SAMD4A: variants seen among roughly 807,000 people sequenced by gnomAD.
SAMD4A encodes the protein protein Smaug homolog 1.
In SAMD4A, 33 loss-of-function variants were observed where a neutral mutation model predicts 81.3. That is an observed-to-expected ratio of 0.41 (90% confidence interval 0.31 to 0.54). SAMD4A has a LOEUF of 0.54. SAMD4A is among the 20% of genes least tolerant of loss of function. The probability of loss-of-function intolerance (pLI) is 0.37; values close to 1 mark genes in which losing one functional copy is unlikely to be tolerated. For synonymous variants in SAMD4A, 389 were observed against 382.1 expected, an observed-to-expected ratio of 1.02 and a Z score of -0.21; for missense variants, 854 against 951.1, an observed-to-expected ratio of 0.90 and a Z score of 1.34.
At chr14:54,788,276 T>C (rs1186981186) in intron 12 of SAMD4A, among the ~76,000 whole-genome samples, 2 of 152,162 alleles carry the variant, frequency 1.3e-5, no homozygotes, top group African/African-American at 4.8e-5. Context: ...GGGACGTGGG[T>C]TGAGAAGGAG....
At chr14:54,628,508 A>G (rs1397263346) in intron 2 of SAMD4A, among the ~76,000 whole-genome samples, 4 of 152,158 alleles carry the variant, frequency 2.6e-5, no homozygotes, top group South Asian at 4.2e-4. Flanking sequence ...CAGCTATGGA[A>G]ATAGGCCTTC....
intron 3 of SAMD4A, among the ~76,000 whole-genome samples, chr14:54,715,919 A>G (rs1014074473): frequency 6.6e-6 from 1 of 152,170 alleles, no homozygotes; most frequent in African/African-American, 2.4e-5. Context: ...ATGAAACTTC[A>G]GGAGCATGCT....
Position 54,760,395 on chromosome 14 carries a change from C to A in SAMD4A, c.1411C>A (p.Leu471Ile), listed in dbSNP as rs769494833. ...CCCCTCGGCCGGGGCCAGCGGGGGG[C>A]TCCAGCCGCACCAGCTGAGCAGCTG... Reference protein sequence around the residue: ...ATPSAGASGGLQPHQLSSCDG... With the variant: ...ATPSAGASGGIQPHQLSSCDG... Residue 471 changes from leucine to isoleucine, a missense_variant, in exon 7 of 13, where the codon CTC (leucine) becomes ATC (isoleucine). Leu to Ile is a conservative substitution (Grantham distance 5). This residue lies in a region of SAMD4A where 428 missense variants were observed against 471.2 expected (regional missense o/e 0.91). Transcript: ENST00000554335. 1.0e-5 allele frequency: 15 copies of A among 1,494,678 alleles called. No individual in the cohort carries two copies. The highest frequency in any genetic ancestry group is 1.2e-5 in the Non-Finnish European group (14 of 1,134,200). The allele number at this position is 1,494,678 out of a possible 1,614,324, so 92.6% of individuals were successfully genotyped here.
intron 2 of SAMD4A, among the ~76,000 whole-genome samples, chr14:54,607,007 C>G (rs1378522517): frequency 6.6e-6 from 1 of 152,206 alleles, no homozygotes; most frequent in Non-Finnish European, 1.5e-5. Flanking sequence ...CTCACCAGAG[C>G]TGGGATTACC....
At chr14:54,570,827 A>T (rs2033107623) in intron 2 of SAMD4A, among the ~76,000 whole-genome samples, 1 of 152,210 alleles carries the variant, frequency 6.6e-6, no homozygotes, top group Non-Finnish European at 1.5e-5. Context: ...TTTGATGTGT[A>T]AGGCTCTTAC....
intron 2 of SAMD4A, among the ~76,000 whole-genome samples, chr14:54,607,037 G>A (rs1384956626): frequency 2.0e-5 from 3 of 152,220 alleles, no homozygotes; most frequent in Non-Finnish European, 4.4e-5. Flanking sequence ...GGAACATGAG[G>A]CCTTGGCCGA....
chr14:54,658,112 C>G (rs946531014), intron 2 of SAMD4A, among the ~76,000 whole-genome samples: 4 of 152,138 alleles, frequency 2.6e-5, no homozygotes, highest in Non-Finnish European at 5.9e-5. Context: ...GACTTTGAGA[C>G]CAGCCTGGCC....
intron 11 of SAMD4A, 118 bp downstream of exon 11, chr14:54,776,658 T>C (rs1359758385): frequency 8.2e-7 from 1 of 1,216,602 alleles, no homozygotes; most frequent in East Asian, 2.9e-5. Context: ...TTGGAGCTTA[T>C]AGAAGCCTTT....
intron 2 of SAMD4A, among the ~76,000 whole-genome samples, chr14:54,596,832 G>A (rs938981749): frequency 6.6e-6 from 1 of 152,190 alleles, no homozygotes; most frequent in Non-Finnish European, 1.5e-5. Context: ...GGTGAGAAGG[G>A]TGGAGAGTGG....
intron 2 of SAMD4A, among the ~76,000 whole-genome samples, chr14:54,628,672 C>T (rs1594751642): frequency 6.6e-6 from 1 of 152,244 alleles, no homozygotes; most frequent in East Asian, 1.9e-4. Context: ...TACTTGATAA[C>T]TCATTTAATC....
intron 6 of SAMD4A, among the ~76,000 whole-genome samples, chr14:54,753,416 A>G (rs1397348772): frequency 2.6e-5 from 4 of 152,208 alleles, no homozygotes; most frequent in African/African-American, 9.7e-5. Context: ...GATCCCTTAA[A>G]CCTTGATTTC....
In SAMD4A at chr14:54,567,922, G is replaced by C; in HGVS notation, c.6G>C (p.Met2Ile). The C allele has an allele frequency of 6.2e-7, 1 of 1,607,350 alleles. No individual in the cohort carries two copies. Among genetic ancestry groups the C allele is most frequent in the Non-Finnish European group, 8.5e-7 (1 of 1,178,954 alleles). The change falls in exon 2 of 13, where the codon ATG becomes ATC. Residue 2 changes from methionine (M) to isoleucine (I), a missense_variant. Physicochemically the swap from Met to Ile is conservative, Grantham distance 10 (BLOSUM62 1). This residue lies in a region of SAMD4A where 387 missense variants were observed against 405.8 expected (regional missense o/e 0.95). Transcript: ENST00000554335. M[M>I]FRDQVGVLAG... is the part of the protein sequence containing the mutation. The stretch of plus-strand genomic sequence containing the variant: ...CCGAGGGCGGCCCCCTAACCATGAT[G>C]TTTCGCGACCAGGTCGGGGTGCTGG...
chr14:54,624,025 G>T (rs550281717), intron 2 of SAMD4A, among the ~76,000 whole-genome samples: 4 of 152,044 alleles, frequency 2.6e-5, no homozygotes, highest in Non-Finnish European at 5.9e-5. Context: ...GCTCAGGCTG[G>T]AGTGCGGTGG....
rs1033868325 is a variant in SAMD4A, at chr14:54,755,115, A to G, written c.1176+3578A>G. Among the ~76,000 whole-genome samples the G allele has an allele frequency of 7.2e-5, 11 of 152,170 alleles. No individual in the cohort carries two copies. The East Asian group carries it at 2.1e-3, about 29-fold the overall frequency. ...GGGAAACTCATTAGGAAACTATAGC[A>G]AGTCTTGATGGGACCTTGAACCAAA... is the stretch of plus-strand genomic sequence containing the variant. On this transcript the variant is annotated intron_variant, in intron 6 of 12. Coordinates refer to ENST00000554335, the MANE Select transcript of SAMD4A (RefSeq NM_015589.6).
At position 54,737,021 on chromosome 14, in the gene SAMD4A, C is replaced by G. The variant is rs1241726144; in HGVS notation, c.716-3C>G. On this transcript the variant is annotated splice_polypyrimidine_tract_variant and splice_region_variant and intron_variant, in intron 3 of 12. Coordinates refer to ENST00000554335, the MANE Select transcript of SAMD4A (RefSeq NM_015589.6). ...ACCTATTTCATTTTATTTTTTTTTCCAGTTCTCTCAGGCCAGGCACACCAC... is the reference window on the plus strand; with the variant it reads ...ACCTATTTCATTTTATTTTTTTTTCGAGTTCTCTCAGGCCAGGCACACCAC... 1 of 1,609,494 alleles carries G rather than the reference C, an allele frequency of 6.2e-7. No homozygotes were observed.
Position 54,568,101 on chromosome 14 carries a change from C to T in SAMD4A, c.185C>T (p.Ala62Val). The T allele has an allele frequency of 6.5e-7, 1 of 1,542,348 alleles. No homozygotes were observed. The highest frequency in any genetic ancestry group is 8.7e-7 in the Non-Finnish European group (1 of 1,152,812). The change falls in exon 2 of 13, where the codon GCC (alanine) becomes GTC (valine). Residue 62 changes from alanine (A) to valine (V), a missense_variant. Ala to Val is a moderately conservative substitution (Grantham distance 64). Around this residue, in one of 3 missense-constraint regions of SAMD4A, gnomAD observed 387 missense variants for 405.8 expected, o/e 0.95. Coordinates refer to ENST00000554335, the MANE Select transcript of SAMD4A (RefSeq NM_015589.6). ...CAELHVLEREANSPGIINQWQ... is the reference protein window; with the variant it reads ...CAELHVLEREVNSPGIINQWQ... ...GAGCTGCACGTCCTCGAACGCGAGG[C>T]CAACAGCCCCGGTAAGTGTGCGGCG...
intron 2 of SAMD4A, among the ~76,000 whole-genome samples, chr14:54,634,950 T>C (rs1594757281): frequency 6.6e-6 from 1 of 152,198 alleles, no homozygotes; most frequent in South Asian, 2.1e-4. Context: ...GAACTAAAGT[T>C]TGGGGATCTG....
chr14:54,738,593 C>T (rs1287534766), intron 4 of SAMD4A, among the ~76,000 whole-genome samples: 1 of 152,130 alleles, frequency 6.6e-6, no homozygotes, highest in Non-Finnish European at 1.5e-5. Context: ...GGATGTATGT[C>T]CTCTTTCTAC....
intron 2 of SAMD4A, among the ~76,000 whole-genome samples, chr14:54,698,923 T>C (rs2036640987): frequency 6.6e-6 from 1 of 151,850 alleles, no homozygotes; most frequent in Non-Finnish European, 1.5e-5. Flanking sequence ...TTGTTTTTGT[T>C]GCTGATTTTT....
Sources: gnomAD v4.1 joint callset for allele counts (sites outside exome capture counted in the v4.1 genomes callset) on GRCh38, gnomAD v4.1.1 for gene constraint, gnomAD v4.1.1 regional missense constraint, MANE v1.5 for transcripts, NCBI Gene and HGNC (gene_info 2026-07-23, HGNC 2026-07-21) for gene names.